Variants in DLG2 observed in about 807,000 individuals in gnomAD.
DLG2 encodes discs large MAGUK scaffold protein 2.
DLG2 carries 45 observed loss-of-function variants against 132.5 expected under a neutral mutation model. The ratio of observed to expected loss-of-function variants is 0.34; its 90% CI spans 0.27 to 0.44. The LOEUF (loss-of-function observed/expected upper bound fraction) is 0.44. Ranked by LOEUF, DLG2 falls within the 20% of genes least tolerant of loss-of-function variation. The pLI, the probability that DLG2 is intolerant of heterozygous loss-of-function variation, is 1.00. For synonymous variants in DLG2, 424 were observed against 419.6 expected, an observed-to-expected ratio of 1.01 and a Z score of -0.13; for missense variants, 1,045 against 1,196.9, an observed-to-expected ratio of 0.87 and a Z score of 1.87.
intron 6 of DLG2, among the ~76,000 whole-genome samples, chr11:84,535,387 C>T (rs2099352946): frequency 2.0e-5 from 3 of 152,152 alleles, no homozygotes; most frequent in Admixed American, 2.0e-4. Context: ...CTTTAAAAAT[C>T]AAGGCAAGTT....
At chr11:85,174,632 G>A (rs1007042437) in intron 4 of DLG2, among the ~76,000 whole-genome samples, 3 of 152,004 alleles carry the variant, frequency 2.0e-5, no homozygotes, top group Non-Finnish European at 4.4e-5. Context: ...GAACTAAGGA[G>A]ACAGAGACAT....
intron 3 of DLG2, among the ~76,000 whole-genome samples, chr11:85,526,314 T>C (rs2074738218): frequency 6.6e-6 from 1 of 151,834 alleles, no homozygotes; most frequent in African/African-American, 2.4e-5. Context: ...AAAAGACACC[T>C]TATATAGAGG....
chr11:83,689,945 T>A (rs1198313370), intron 18 of DLG2, among the ~76,000 whole-genome samples: 1 of 139,002 alleles, frequency 7.2e-6, no homozygotes, highest in Non-Finnish European at 1.5e-5. Context: ...ATAATATATA[T>A]TATATATATT....
intron 19 of DLG2, among the ~76,000 whole-genome samples, chr11:83,593,255 C>T (rs924575022): frequency 6.8e-6 from 1 of 147,776 alleles, no homozygotes; most frequent in African/African-American, 2.5e-5. Context: ...AAATGTCCAA[C>T]AATGATAGAC....
intron 9 of DLG2, among the ~76,000 whole-genome samples, chr11:84,106,336 T>C (rs569659292): frequency 2.0e-5 from 3 of 152,150 alleles, no homozygotes; most frequent in Non-Finnish European, 2.9e-5. Context: ...CCACTTTCTG[T>C]CTCATGTTAC....
intron 6 of DLG2, among the ~76,000 whole-genome samples, chr11:84,564,212 T>G (rs1156269852): frequency 6.6e-6 from 1 of 151,798 alleles, no homozygotes; most frequent in Non-Finnish European, 1.5e-5. Context: ...TTATTGGGGG[T>G]TTTTATAAAA....
chr11:84,542,128 T>TGAGAGA (rs59128357), intron 6 of DLG2, among the ~76,000 whole-genome samples: 13,226 of 146,860 alleles, frequency 0.09, 662 homozygotes, highest in African/African-American at 0.15. Context: ...ACAGTACTGA[T>TGAGAGA]GAGAGAGAGA....
intron 12 of DLG2, among the ~76,000 whole-genome samples, chr11:83,967,019 T>C (rs1369593575): frequency 6.6e-6 from 1 of 152,114 alleles, no homozygotes; most frequent in Non-Finnish European, 1.5e-5. Flanking sequence ...CTTACTTCAT[T>C]TAGCATAATG....
At chr11:83,823,025 G>T (rs1002730401) in intron 17 of DLG2, among the ~76,000 whole-genome samples, 1 of 152,018 alleles carries the variant, frequency 6.6e-6, no homozygotes, top group African/African-American at 2.4e-5. Context: ...CTATCCTGAA[G>T]GTACCCTATG....
At chr11:85,081,830 A>G (rs1480461500) in intron 6 of DLG2, among the ~76,000 whole-genome samples, 2 of 152,144 alleles carry the variant, frequency 1.3e-5, no homozygotes, top group Non-Finnish European at 2.9e-5. Flanking sequence ...ATCCTTCTGT[A>G]TACAGCTGTC....
At chr11:83,488,999 ATG>A in intron 21 of DLG2, among the ~76,000 whole-genome samples, 1 of 152,132 alleles carries the variant, frequency 6.6e-6, no homozygotes, top group Middle Eastern at 3.4e-3. Context: ...GCACGTATAC[ATG>A]TGTGTCTATA....
chr11:83,930,828 A>G (rs2080054257), intron 14 of DLG2, among the ~76,000 whole-genome samples: 1 of 152,172 alleles, frequency 6.6e-6, no homozygotes, highest in Admixed American at 6.5e-5. Context: ...ACTTACCTGG[A>G]ACACAGACAT....
intron 6 of DLG2, among the ~76,000 whole-genome samples, chr11:84,929,743 C>T (rs559001367): frequency 2.1e-4 from 32 of 152,080 alleles, no homozygotes; most frequent in African/African-American, 7.5e-4. Flanking sequence ...ATACATAAAA[C>T]GAAGTATGAT....
intron 6 of DLG2, among the ~76,000 whole-genome samples, chr11:84,765,075 G>A (rs1247148758): frequency 6.6e-6 from 1 of 151,992 alleles, no homozygotes; most frequent in Non-Finnish European, 1.5e-5. Context: ...ATTATTTATT[G>A]TATATTACCT....
chr11:85,147,008 T>G (rs1264233123), intron 5 of DLG2, among the ~76,000 whole-genome samples: 1 of 152,172 alleles, frequency 6.6e-6, no homozygotes, highest in African/African-American at 2.4e-5. Flanking sequence ...AGGGCAGAAT[T>G]GAGTTCCAAT....
intron 3 of DLG2, among the ~76,000 whole-genome samples, chr11:85,467,794 G>C (rs1273898764): frequency 6.6e-6 from 1 of 152,174 alleles, no homozygotes; most frequent in Non-Finnish European, 1.5e-5. Flanking sequence ...GTCTCTGCCA[G>C]GCTTTGGTAT....
At chr11:84,941,680 T>C (rs1427661553) in intron 6 of DLG2, among the ~76,000 whole-genome samples, 1 of 151,218 alleles carries the variant, frequency 6.6e-6, no homozygotes, top group African/African-American at 2.4e-5. Context: ...TATTAGCCTG[T>C]AGTTTTCTTT....
rs1349528503 is a variant in DLG2, at chr11:84,417,703, A to G, written c.519+116867T>C. Among the ~76,000 whole-genome samples, 3 of 152,038 alleles carry G rather than the reference A, an allele frequency of 2.0e-5. No individual in the cohort carries two copies. In the East Asian group the frequency reaches 5.8e-4, roughly 29 times the overall value. ...TCTCACAGCCTATCCTCAGCTCTTC[A>G]TTTCTCACTGGATGCCTCTGCCTTC... On this transcript the variant is annotated intron_variant, in intron 7 of 27. Coordinates refer to ENST00000376104, the MANE Select transcript of DLG2 (RefSeq NM_001142699.3).
chr11:84,089,016 T>C (rs1863099005), intron 10 of DLG2, among the ~76,000 whole-genome samples: 1 of 152,190 alleles, frequency 6.6e-6, no homozygotes, highest in Admixed American at 6.5e-5. Context: ...AGTCATTTAG[T>C]GCAACAATCA....
Sources: gnomAD v4.1 joint callset for allele counts (sites outside exome capture counted in the v4.1 genomes callset) on GRCh38, gnomAD v4.1.1 for gene constraint, MANE v1.5 for transcripts, NCBI Gene and HGNC (gene_info 2026-07-23, HGNC 2026-07-21) for gene names.